Variants in ANGEL1 observed in about 807,000 individuals in gnomAD.
ANGEL1 encodes the protein RNA 2',3'-cyclic phosphatase ANGEL1.
A neutral mutation model predicts 76.4 loss-of-function variants in ANGEL1; 62 were observed. The ratio of observed to expected loss-of-function variants is 0.81; its 90% CI spans 0.66 to 1.00. The LOEUF (loss-of-function observed/expected upper bound fraction) is 1.00, where lower values mean the gene tolerates loss of function less well. Ranked by LOEUF, ANGEL1 falls within the 50% of genes least tolerant of loss-of-function variation. ANGEL1 has a pLI of 0.00. For missense variants in ANGEL1, 737 were observed against 836.7 expected, an observed-to-expected ratio of 0.88 and a Z score of 1.47; for synonymous variants, 340 against 331.7, an observed-to-expected ratio of 1.03 and a Z score of -0.27.
chr14:76,800,967 T>C (rs1324954835), intron 7 of ANGEL1, among the ~76,000 whole-genome samples: 1 of 151,362 alleles, frequency 6.6e-6, no homozygotes, highest in Non-Finnish European at 1.5e-5. Flanking sequence ...AGCAAGACTT[T>C]GTCTCAAAAA....
chr14:76,802,329 T>C (rs982935920), intron 7 of ANGEL1, among the ~76,000 whole-genome samples: 8 of 152,362 alleles, frequency 5.3e-5, no homozygotes, highest in Middle Eastern at 3.4e-3. Flanking sequence ...TGCAGTATTT[T>C]AGCACAGATT....
chr14:76,809,556 C>T lies in ANGEL1; in HGVS notation c.152G>A (p.Gly51Asp). ...GCCCTCACATTCCTCCTGCTCAGGG[C>T]CCCGAGGGGCCATGGCAAAGTCGCC... ...VEGDFAMAPR[G>D]PEQEECEGLL... is the part of the protein sequence containing the mutation. Residue 51 changes from glycine (G) to aspartate (D), a missense_variant, in exon 2 of 10, where the codon GGC becomes GAC. Around this residue, in one of 2 missense-constraint regions of ANGEL1, gnomAD observed 441 missense variants for 449.5 expected, o/e 0.98. Coordinates refer to ENST00000251089, the MANE Select transcript of ANGEL1 (RefSeq NM_015305.4). 3 of 1,614,200 alleles carry T rather than the reference C, an allele frequency of 1.9e-6. No homozygotes were observed. Among genetic ancestry groups the T allele is most frequent in the Non-Finnish European group, 2.5e-6 (3 of 1,180,038 alleles).
In ANGEL1 at chr14:76,790,739, G is replaced by A. The variant is rs767300292; in HGVS notation, c.1724C>T (p.Thr575Met). The A allele has an allele frequency of 1.5e-5, 25 of 1,613,972 alleles. No individual in the cohort carries two copies. The highest frequency in any genetic ancestry group is 2.2e-5 in the East Asian group (1 of 44,898). The change falls in exon 9 of 10, where the codon ACG becomes ATG. Residue 575 changes from threonine (T) to methionine (M), a missense_variant. Coordinates refer to ENST00000251089, the MANE Select transcript of ANGEL1 (RefSeq NM_015305.4). ...GGGCAGGAAGTGGGTATATACTGAC[G>A]TCAGGTGGAGGCAGTGCTGGATGGT... Reference protein sequence around the residue: ...VGTIQHCLHLTSVYTHFLPQR... With the variant: ...VGTIQHCLHLMSVYTHFLPQR...
chr14:76,810,407 G>A (rs1452797010), intron 1 of ANGEL1, among the ~76,000 whole-genome samples: 1 of 146,816 alleles, frequency 6.8e-6, no homozygotes. Context: ...GACAAAGTGA[G>A]ACCTCATCTC....
intron 7 of ANGEL1, among the ~76,000 whole-genome samples, chr14:76,794,618 C>T (rs1302250440): frequency 1.3e-5 from 2 of 151,334 alleles, no homozygotes; most frequent in Admixed American, 1.3e-4. Context: ...TTGCAGTGAG[C>T]CGAGATCATG....
In ANGEL1 at chr14:76,789,913, G is replaced by T. The variant is rs146017206; in HGVS notation, c.1853-525C>A. On this transcript the variant is annotated intron_variant, in intron 9 of 9. Transcript: ENST00000251089. Reference sequence around the variant, plus strand: ...GAGTTTTACGCTTGTTGCCCAGGCTGGAGTGCAGTGGCACGATCTCGGCTC... The same window carrying T: ...GAGTTTTACGCTTGTTGCCCAGGCTTGAGTGCAGTGGCACGATCTCGGCTC... Among the ~76,000 whole-genome samples the T allele has an allele frequency of 9.1e-4, 136 of 149,550 alleles. 2 individuals are homozygous for T. In the East Asian group the frequency reaches 0.021, roughly 23 times the overall value.
Position 76,800,996 on chromosome 14 carries a change from CA to C in ANGEL1, c.1618+2374del, listed in dbSNP as rs542921742. On this transcript the variant is annotated intron_variant, in intron 7 of 9. Coordinates refer to ENST00000251089, the MANE Select transcript of ANGEL1 (RefSeq NM_015305.4). ...TCAAAAAAAAAAAAAAGTCTGAGGT[CA>C]ACCTCATCACCGTTAGGCTTCAAAG... Among the ~76,000 whole-genome samples, 10 of 151,982 alleles carry C rather than the reference CA, an allele frequency of 6.6e-5. No individual in the cohort carries two copies. In the East Asian group the frequency reaches 1.9e-3, roughly 29 times the overall value.
intron 7 of ANGEL1, among the ~76,000 whole-genome samples, chr14:76,796,775 A>T (rs746495786): frequency 1.3e-5 from 2 of 152,198 alleles, no homozygotes; most frequent in South Asian, 4.1e-4. Context: ...ACTCAGAAAG[A>T]TCAATTAAAG....
chr14:76,799,271 T>TGG lies in ANGEL1; in HGVS notation c.1618+4098_1618+4099dup, dbSNP rs1392587589. Among the ~76,000 whole-genome samples, 5 of 139,476 alleles carry TGG rather than the reference T, an allele frequency of 3.6e-5. No individual in the cohort carries two copies. The East Asian group carries it at 1.1e-3, about 32-fold the overall frequency. 91.5% of individuals were successfully genotyped at this position (139,476 alleles called of 152,430 possible). On this transcript the variant is annotated intron_variant, in intron 7 of 9. Coordinates refer to ENST00000251089, the MANE Select transcript of ANGEL1 (RefSeq NM_015305.4). ...CTAAGATCTCGTTGTACTCCATTCATGGCCTCCTTTTTTTTTTTTTTTTTT... is the reference window on the plus strand; with the variant it reads ...CTAAGATCTCGTTGTACTCCATTCATGGGGCCTCCTTTTTTTTTTTTTTTTTT...
intron 8 of ANGEL1, 110 bp downstream of exon 8, chr14:76,791,187 C>T: frequency 8.4e-7 from 1 of 1,184,610 alleles, no homozygotes; most frequent in Non-Finnish European, 1.2e-6. Flanking sequence ...GGAAAAAGAG[C>T]TTATCAAAAA....
intron 9 of ANGEL1, 39 bp from the exon 10 acceptor site, chr14:76,789,427 G>A (rs368223558): frequency 2.5e-5 from 40 of 1,609,750 alleles, no homozygotes; most frequent in Admixed American, 5.0e-5. Context: ...AAAAGCAGCC[G>A]CAGCCACACT....
intron 7 of ANGEL1, among the ~76,000 whole-genome samples, chr14:76,793,763 A>G (rs1894492137): frequency 1.3e-5 from 2 of 152,056 alleles, no homozygotes; most frequent in Non-Finnish European, 2.9e-5. Context: ...GAAACAATGG[A>G]TACTACCAAA....
Position 76,809,487 on chromosome 14 carries a change from G to A in ANGEL1, c.221C>T (p.Ser74Leu). The A allele has an allele frequency of 6.2e-7, 1 of 1,614,200 alleles. No homozygotes were observed. Among genetic ancestry groups the A allele is most frequent in the South Asian group, 1.1e-5 (1 of 91,078 alleles). Reference sequence around the variant, plus strand: ...TATAAGGGGCCCCTCACTTGCAGTTGAGAGCACCTGGCTCAACCCTTCTTC... The same window carrying A: ...TATAAGGGGCCCCTCACTTGCAGTTAAGAGCACCTGGCTCAACCCTTCTTC... ...WREEGLSQVLSTASEGPLIDK... is the reference protein window; with the variant it reads ...WREEGLSQVLLTASEGPLIDK... The change falls in exon 2 of 10, where the codon TCA (serine) becomes TTA (leucine). Residue 74 changes from serine to leucine, a missense_variant. Transcript: ENST00000251089.
chr14:76,798,141 T>A (rs1291449611), intron 7 of ANGEL1, among the ~76,000 whole-genome samples: 1 of 151,990 alleles, frequency 6.6e-6, no homozygotes, highest in African/African-American at 2.4e-5. Context: ...GTTTTTTTTT[T>A]TTTTAAAGAC....
In ANGEL1 at chr14:76,794,171, G is replaced by A. The variant is rs543843586; in HGVS notation, c.1619-2805C>T. Among the ~76,000 whole-genome samples the A allele has an allele frequency of 1.8e-4, 28 of 152,250 alleles. No homozygotes were observed. In the South Asian group the frequency reaches 5.6e-3, roughly 30 times the overall value. The stretch of plus-strand genomic sequence containing the variant: ...AAGTGACTCATGGGTGTAAGGTTTC[G>A]TTTGTGGGTGATGAAAATGTTCTAA... On this transcript the variant is annotated intron_variant, in intron 7 of 9. Transcript: ENST00000251089.
rs752776943 is a variant in ANGEL1, at chr14:76,791,321, G to A, written c.1664C>T (p.Ser555Leu). The change falls in exon 8 of 10, where the codon TCG (serine) becomes TTG (leucine). Residue 555 changes from serine to leucine, a missense_variant. Around this residue, in one of 2 missense-constraint regions of ANGEL1, gnomAD observed 296 missense variants for 387.2 expected, o/e 0.76. Coordinates refer to ENST00000251089, the MANE Select transcript of ANGEL1 (RefSeq NM_015305.4). Reference protein sequence around the residue: ...WAESVLEEDASELEPAFSRTV... With the variant: ...WAESVLEEDALELEPAFSRTV... ...CCTGGAGAAGGCAGGCTCAAGCTCC[G>A]ATGCATCTTCCTCAAGGACAGACTC... 9 of 1,613,936 alleles carry A rather than the reference G, an allele frequency of 5.6e-6. No homozygotes were observed. The highest frequency in any genetic ancestry group is 5.3e-5 in the African/African-American group (4 of 74,912).
At chr14:76,792,388 A>C (rs1894433521) in intron 7 of ANGEL1, among the ~76,000 whole-genome samples, 1 of 152,224 alleles carries the variant, frequency 6.6e-6, no homozygotes. Context: ...GACACTTCTC[A>C]ACTCATTCTA....
chr14:76,789,017 T>G lies in ANGEL1; in HGVS notation c.*211A>C. ...GGGCCACTGAGTGTGTGGCACAGGA[T>G]TAGGAAGAGGCTGGGGTGGGGCAAG... On this transcript the variant is annotated 3_prime_UTR_variant, in exon 10 of 10. Coordinates refer to ENST00000251089, the MANE Select transcript of ANGEL1 (RefSeq NM_015305.4). The G allele has an allele frequency of 6.7e-6, 4 of 596,654 alleles. No homozygotes were observed. The highest frequency in any genetic ancestry group is 1.2e-5 in the Non-Finnish European group (4 of 346,582). The allele number at this position is 596,654 out of a possible 1,614,324, so 37.0% of individuals were successfully genotyped here. A position where few individuals can be genotyped will look rare whatever the true frequency, so the allele number is the denominator to read the frequency against.
chr14:76,812,865 G>A lies in ANGEL1; in HGVS notation c.-38C>T. ...GCGCCCGCCTCCGCTCCTCACTGCA[G>A]CCAGCAGGTCCTCCCTCAGCTCGGC... On this transcript the variant is annotated 5_prime_UTR_variant, in exon 1 of 10. Transcript: ENST00000251089. The A allele has an allele frequency of 6.7e-7, 1 of 1,486,702 alleles. No individual in the cohort carries two copies. The highest frequency in any genetic ancestry group is 8.9e-7 in the Non-Finnish European group (1 of 1,120,492). 92.1% of individuals were successfully genotyped at this position (1,486,702 alleles called of 1,614,324 possible). A position where few individuals can be genotyped will look rare whatever the true frequency, so the allele number is the denominator to read the frequency against.
Sources: gnomAD v4.1 joint callset for allele counts (sites outside exome capture counted in the v4.1 genomes callset) on GRCh38, gnomAD v4.1.1 for gene constraint, gnomAD v4.1.1 regional missense constraint, MANE v1.5 for transcripts, NCBI Gene and HGNC (gene_info 2026-07-23, HGNC 2026-07-21) for gene names.